Variants in DRC7 observed in about 807,000 individuals in gnomAD.
DRC7 encodes dynein regulatory complex subunit 7, also known as coiled-coil domain containing 135.
Under a neutral mutation model 104.4 loss-of-function variants are expected in DRC7, and 80 were observed. The ratio of observed to expected loss-of-function variants is 0.77; its 90% CI spans 0.64 to 0.92. The LOEUF (loss-of-function observed/expected upper bound fraction) is 0.92. DRC7 is among the 40% of genes least tolerant of loss of function. The pLI is 0.00. For synonymous variants in DRC7, 405 were observed against 447.3 expected (o/e 0.91, Z 1.19); for missense variants, 1,034 against 1,141.1 (o/e 0.91, Z 1.35).
chr16:57,715,717 G>C lies in DRC7; in HGVS notation c.1078-2630G>C, dbSNP rs79871755. ...ATCATTTCTCCCACGCCACACAGAG[G>C]GGGCAGAGCCGACACTGCCCTCCCC... On this transcript the variant is annotated intron_variant, in intron 8 of 18. Transcript: ENST00000360716. Among the ~76,000 whole-genome samples the C allele has an allele frequency of 9.8e-5, 15 of 152,324 alleles. No individual in the cohort carries two copies. The East Asian group carries it at 2.7e-3, about 27-fold the overall frequency.
At chr16:57,695,544 C>T (rs1337763346) in intron 1 of DRC7, among the ~76,000 whole-genome samples, 1 of 152,206 alleles carries the variant, frequency 6.6e-6, no homozygotes, top group Non-Finnish European at 1.5e-5. Context: ...GATGACTGCC[C>T]TTCCTGGGCT....
At chr16:57,720,920 G>A (rs186181610) in intron 9 of DRC7, among the ~76,000 whole-genome samples, 154 of 152,180 alleles carry the variant, frequency 1.0e-3, no homozygotes, top group Non-Finnish European at 1.7e-3. Context: ...ATAATAGGCC[G>A]GGCATGGTGG....
chr16:57,725,582 G>T (rs78192785), intron 13 of DRC7: 1,893 of 158,752 alleles, frequency 0.012, 31 homozygotes, highest in African/African-American at 0.043. Context: ...CTCATATGTT[G>T]CCACGGATTA....
At chr16:57,709,735 C>A (rs1284271139) in intron 8 of DRC7, among the ~76,000 whole-genome samples, 3 of 152,040 alleles carry the variant, frequency 2.0e-5, no homozygotes, top group Non-Finnish European at 2.9e-5. Flanking sequence ...CAACTATCAC[C>A]ACTATCTAAT....
chr16:57,707,090 A>G (rs1457635011), intron 7 of DRC7, among the ~76,000 whole-genome samples: 1 of 152,144 alleles, frequency 6.6e-6, no homozygotes, highest in Non-Finnish European at 1.5e-5. Context: ...ACAATGAACA[A>G]CAAGACAGTC....
chr16:57,710,461 A>C (rs1416071950), intron 8 of DRC7, among the ~76,000 whole-genome samples: 3 of 152,216 alleles, frequency 2.0e-5, no homozygotes, highest in Non-Finnish European at 2.9e-5. Context: ...GTGAATAAAA[A>C]CAGTTTTACT....
intron 15 of DRC7, 35 bp downstream of exon 15, chr16:57,726,977 T>G (rs745776592): frequency 7.4e-7 from 1 of 1,350,706 alleles, no homozygotes; most frequent in African/African-American, 1.4e-5. Flanking sequence ...AGGTGGGCGG[T>G]ATCTTTGTTT....
chr16:57,726,978 A>C (rs1371290689), intron 15 of DRC7, 36 bp downstream of exon 15: 1 of 1,349,604 alleles, frequency 7.4e-7, no homozygotes, highest in South Asian at 1.2e-5. Flanking sequence ...GGTGGGCGGT[A>C]TCTTTGTTTT....
At chr16:57,720,636 C>T (rs1420558372) in intron 9 of DRC7, among the ~76,000 whole-genome samples, 1 of 152,188 alleles carries the variant, frequency 6.6e-6, no homozygotes, top group African/African-American at 2.4e-5. Context: ...TCATGGACCC[C>T]CAGGAAAAAC....
intron 17 of DRC7, among the ~76,000 whole-genome samples, chr16:57,729,498 A>G (rs1385378348): frequency 2.1e-4 from 19 of 89,788 alleles, no homozygotes; most frequent in East Asian, 3.9e-4. Flanking sequence ...GGGTGGGTGG[A>G]TGGATGAGTG....
rs1466645425 is a variant in DRC7, at chr16:57,697,988, G to C, written c.39G>C (p.Glu13Asp). The C allele has an allele frequency of 6.2e-7, 1 of 1,613,470 alleles. No homozygotes were observed. The highest frequency in any genetic ancestry group is 1.7e-5 in the Admixed American group (1 of 60,026). Residue 13 changes from glutamate (E) to aspartate (D), a missense_variant, in exon 3 of 19, where the codon GAG becomes GAC. Physicochemically the swap from Glu to Asp is conservative, Grantham distance 45. Coordinates refer to ENST00000360716, the MANE Select transcript of DRC7 (RefSeq NM_001289162.2). ...VLREKVEEEE[E>D]AEREEAAEWA... Reference sequence around the variant, plus strand: ...GGGAGAAGGTGGAGGAGGAGGAGGAGGCCGAGCGGGAGGAGGCGGCCGAGT... The same window carrying C: ...GGGAGAAGGTGGAGGAGGAGGAGGACGCCGAGCGGGAGGAGGCGGCCGAGT...
In DRC7 at chr16:57,731,044, C is replaced by A. The variant is rs866293652; in HGVS notation, c.2505C>A (p.Ile835=). 1 of 1,613,754 alleles carries A rather than the reference C, an allele frequency of 6.2e-7. No homozygotes were observed. Among genetic ancestry groups the A allele is most frequent in the African/African-American group, 1.3e-5 (1 of 75,056 alleles). The change falls in exon 18 of 19, where the codon ATC becomes ATA. Residue 835 remains isoleucine (I), a synonymous_variant. Transcript: ENST00000360716. The part of the protein sequence containing the change: ...LSYCSQAMFR[I]RILEQRLNRH... ...ACTGCTCTCAGGCCATGTTCCGCAT[C>A]CGCATCCTGGAGCAGCGCCTCAATC...
chr16:57,704,880 T>C lies in DRC7; in HGVS notation c.704T>C (p.Ile235Thr). ...TCCTCTTCTTTTGGGTGACAGACCA[T>C]CAAGAAGGAGGAAAAGGTGCTGCCT... Reference protein sequence around the residue: ...CPLTVKPKETIKKEEKVLPKK... With the variant: ...CPLTVKPKETTKKEEKVLPKK... The change falls in exon 7 of 19, where the codon ATC becomes ACC. Residue 235 changes from isoleucine to threonine, a missense_variant. By Grantham distance (89) the Ile-to-Thr change is moderately conservative (BLOSUM62 -1). Coordinates refer to ENST00000360716, the MANE Select transcript of DRC7 (RefSeq NM_001289162.2). 6.2e-7 allele frequency: 1 copy of C among 1,613,184 alleles called. No homozygotes were observed.
intron 5 of DRC7, 121 bp from the exon 6 acceptor site, chr16:57,701,815 C>A: frequency 1.3e-6 from 1 of 782,754 alleles, no homozygotes. Flanking sequence ...GGGCCCAAAG[C>A]AGGTCCAGCC....
intron 14 of DRC7, 75 bp downstream of exon 14, chr16:57,726,358 T>C: frequency 7.6e-7 from 1 of 1,314,932 alleles, no homozygotes. Flanking sequence ...TCCAGCCACT[T>C]GGGAGAACCA....
chr16:57,717,108 A>T (rs1466820842), intron 8 of DRC7, among the ~76,000 whole-genome samples: 2 of 151,610 alleles, frequency 1.3e-5, no homozygotes, highest in Non-Finnish European at 2.9e-5. Context: ...CAGTGAGCCG[A>T]GATCATACCA....
At chr16:57,695,551 G>A (rs939623344) in intron 1 of DRC7, among the ~76,000 whole-genome samples, 6 of 152,152 alleles carry the variant, frequency 3.9e-5, no homozygotes, top group African/African-American at 1.4e-4. Context: ...GCCCTTCCTG[G>A]GCTCATTGTC....
intron 7 of DRC7, among the ~76,000 whole-genome samples, chr16:57,707,084 T>G (rs1382996866): frequency 6.6e-6 from 1 of 152,140 alleles, no homozygotes; most frequent in Non-Finnish European, 1.5e-5. Context: ...TACATAACAA[T>G]GAACAACAAG....
chr16:57,708,438 T>C (rs2048756668), intron 8 of DRC7, among the ~76,000 whole-genome samples: 1 of 152,242 alleles, frequency 6.6e-6, no homozygotes, highest in Non-Finnish European at 1.5e-5. Flanking sequence ...TTGTGTGGTT[T>C]GTTCATTTTC....
Sources: allele counts gnomAD v4.1 joint callset (sites outside exome capture counted in the v4.1 genomes callset), GRCh38; gene constraint gnomAD v4.1.1; transcripts MANE v1.5; gene names NCBI Gene and HGNC (gene_info 2026-07-23, HGNC 2026-07-21).